Variants in WDPCP observed in about 807,000 individuals in gnomAD.
WDPCP encodes WD repeat containing planar cell polarity effector.
In WDPCP, 71 loss-of-function variants were observed where a neutral mutation model predicts 93.1. That is an observed-to-expected ratio of 0.76 (90% CI 0.63 to 0.93). The LOEUF (loss-of-function observed/expected upper bound fraction) is 0.93, where lower values mean the gene tolerates loss of function less well. WDPCP is among the 40% of genes least tolerant of loss of function. The pLI is 0.00. For synonymous variants in WDPCP, 315 were observed against 315.0 expected, an observed-to-expected ratio of 1.00 and a Z score of 0.00; for missense variants, 844 against 887.4, an observed-to-expected ratio of 0.95 and a Z score of 0.62.
At chr2:63,654,100 A>G (rs1710139094) in intron 2 of WDPCP, among the ~76,000 whole-genome samples, 1 of 152,162 alleles carries the variant, frequency 6.6e-6, no homozygotes, top group Non-Finnish European at 1.5e-5. Context: ...TGAGCACAAT[A>G]AAGAGATAAA....
intron 1 of WDPCP, among the ~76,000 whole-genome samples, chr2:63,819,518 A>G (rs1423810202): frequency 1.3e-5 from 2 of 152,200 alleles, no homozygotes; most frequent in African/African-American, 2.4e-5. Flanking sequence ...TGTTTATCAC[A>G]ATCTCCTGGA....
rs986132697 is a variant in WDPCP at position 63,594,436 on chromosome 2, T to A, written n.488+56223A>T. ...TTACTATAGATTAAAATCCTGGATA[T>A]TTTTAAGGTACAGTAGTACTTAAAG... On this transcript the variant is annotated intron_variant and non_coding_transcript_variant, in intron 3 of 4. Transcript: ENST00000467687. The A allele has an allele frequency of 3.9e-6, 5 of 1,287,282 alleles. No individual in the cohort carries two copies. In the African/African-American group the frequency reaches 7.4e-5, roughly 19 times the overall value. 79.7% of individuals were successfully genotyped at this position (1,287,282 alleles called of 1,614,324 possible). A position where few individuals can be genotyped will look rare whatever the true frequency, so the allele number is the denominator to read the frequency against.
intron 2 of WDPCP, among the ~76,000 whole-genome samples, chr2:63,771,369 C>A (rs997537600): frequency 6.0e-4 from 91 of 151,974 alleles, no homozygotes; most frequent in African/African-American, 2.1e-3. Context: ...TAATTTATAT[C>A]TATTTAAACA....
At chr2:63,719,826 T>C (rs1669390163) in intron 2 of WDPCP, among the ~76,000 whole-genome samples, 1 of 152,078 alleles carries the variant, frequency 6.6e-6, no homozygotes, top group African/African-American at 2.4e-5. Context: ...TATAAGAAAA[T>C]CAAATGCAGA....
intron 2 of WDPCP, among the ~76,000 whole-genome samples, chr2:63,776,648 C>A (rs1439545333): frequency 4.4e-5 from 6 of 136,344 alleles, no homozygotes; most frequent in African/African-American, 1.6e-4. Context: ...AGAGTGAGGC[C>A]CTGTCTCAAA....
chr2:63,417,249 T>C (rs934655413), intron 9 of WDPCP, among the ~76,000 whole-genome samples: 2 of 152,218 alleles, frequency 1.3e-5, no homozygotes, highest in Admixed American at 1.3e-4. Flanking sequence ...TTATGGCTGA[T>C]ATTTATATAG....
chr2:63,717,516 C>A, intron 2 of WDPCP: 2 of 455,794 alleles, frequency 4.4e-6, no homozygotes, highest in Non-Finnish European at 4.3e-6. Context: ...ACATCTCGAA[C>A]AAACTCAGGA....
intron 2 of WDPCP, among the ~76,000 whole-genome samples, chr2:63,801,771 C>T (rs114183326): frequency 4.5e-4 from 68 of 152,284 alleles, no homozygotes; most frequent in African/African-American, 1.6e-3. Flanking sequence ...CCCCAAGTTC[C>T]CACCCTACCC....
intron 14 of WDPCP, among the ~76,000 whole-genome samples, chr2:63,181,888 C>G (rs1674270835): frequency 6.6e-6 from 1 of 151,620 alleles, no homozygotes; most frequent in Non-Finnish European, 1.5e-5. Context: ...TTGTAAAGAT[C>G]TTTCACCCCC....
intron 17 of WDPCP, among the ~76,000 whole-genome samples, chr2:63,141,428 A>G (rs1179260250): frequency 6.6e-6 from 1 of 152,204 alleles, no homozygotes; most frequent in Non-Finnish European, 1.5e-5. Flanking sequence ...ATTGGCTTGC[A>G]TATGTTAAAC....
intron 6 of WDPCP, among the ~76,000 whole-genome samples, chr2:63,456,468 A>C (rs11896034): frequency 0.074 from 11,273 of 152,182 alleles, 1,276 homozygotes; most frequent in African/African-American, 0.25. Flanking sequence ...AAATGGAAAC[A>C]CAATATACCC....
intron 14 of WDPCP, among the ~76,000 whole-genome samples, chr2:63,191,579 G>A (rs1462439921): frequency 6.6e-6 from 1 of 152,048 alleles, no homozygotes; most frequent in Non-Finnish European, 1.5e-5. Flanking sequence ...TCCTTAATCA[G>A]AATGGCTACT....
chr2:63,482,394 T>A (rs899658700), intron 6 of WDPCP, among the ~76,000 whole-genome samples: 1 of 151,964 alleles, frequency 6.6e-6, no homozygotes. Flanking sequence ...TCAGCTGACA[T>A]GTTATCTCTG....
At chr2:63,442,836 G>T (rs183610619) in intron 6 of WDPCP, 1 of 152,092 alleles carries the variant, frequency 6.6e-6, no homozygotes, top group Non-Finnish European at 1.5e-5. Flanking sequence ...ATGTATGAGC[G>T]TTTGTTATAA....
chr2:63,671,431 C>G (rs1339387205), intron 2 of WDPCP, among the ~76,000 whole-genome samples: 1 of 152,092 alleles, frequency 6.6e-6, no homozygotes, highest in Non-Finnish European at 1.5e-5. Flanking sequence ...ATGCTTCTAC[C>G]CAACCTACCT....
intron 1 of WDPCP, among the ~76,000 whole-genome samples, chr2:63,549,203 T>A (rs1387523117): frequency 1.5e-5 from 2 of 133,496 alleles, no homozygotes; most frequent in African/African-American, 5.9e-5. Flanking sequence ...TGAGCCAGGA[T>A]CCTGCCATTA....
chr2:63,641,788 T>C (rs1247922003), intron 3 of WDPCP, among the ~76,000 whole-genome samples: 1 of 152,206 alleles, frequency 6.6e-6, no homozygotes, highest in Non-Finnish European at 1.5e-5. Context: ...GCAAAGTCTT[T>C]TTAACTTCAT....
rs1694334418 is a variant in WDPCP at position 63,403,813 on chromosome 2, CT to C, written c.1435+234del. ...AGCGTATCAAATGTAAAAATTAGGG[CT>C]TTTGAAGCATCATGATTGACAATTA... On this transcript the variant is annotated intron_variant, in intron 10 of 17. Coordinates refer to ENST00000272321, the MANE Select transcript of WDPCP (RefSeq NM_015910.7). 1.1e-5 allele frequency: 6 copies of C among 522,876 alleles called. No individual in the cohort carries two copies. In the South Asian group the frequency reaches 1.2e-4, roughly 10 times the overall value. 32.4% of individuals were successfully genotyped at this position (522,876 alleles called of 1,614,324 possible).
intron 1 of WDPCP, among the ~76,000 whole-genome samples, chr2:63,514,477 G>A (rs1167080117): frequency 1.3e-5 from 2 of 152,044 alleles, no homozygotes; most frequent in Non-Finnish European, 2.9e-5. Context: ...ACCTTGACAG[G>A]CACTTTCCAT....
Sources: allele counts gnomAD v4.1 joint callset (sites outside exome capture counted in the v4.1 genomes callset), GRCh38; gene constraint gnomAD v4.1.1; transcripts MANE v1.5; gene names NCBI Gene and HGNC (gene_info 2026-07-23, HGNC 2026-07-21).